Variants in GLRB observed in about 807,000 individuals in gnomAD.
The protein encoded by GLRB is glycine receptor subunit beta.
In GLRB, 33 loss-of-function variants were observed where a neutral mutation model predicts 54.2. The observed-to-expected ratio is 0.61, with a 90% CI of 0.46 to 0.81. The LOEUF is 0.81. Ranked by LOEUF, GLRB falls within the 40% of genes least tolerant of loss-of-function variation. The pLI is 0.00. For missense variants in GLRB, 572 were observed against 584.6 expected, an observed-to-expected ratio of 0.98 and a Z score of 0.22; for synonymous variants, 209 against 208.2, an observed-to-expected ratio of 1.00 and a Z score of -0.03.
chr4:157,103,470 G>A (rs1412916523), intron 2 of GLRB, among the ~76,000 whole-genome samples: 1 of 152,198 alleles, frequency 6.6e-6, no homozygotes. Flanking sequence ...TTCAAGCATA[G>A]TTCTACATTT....
At chr4:157,127,764 C>T (rs1029390161) in intron 4 of GLRB, among the ~76,000 whole-genome samples, 8 of 151,926 alleles carry the variant, frequency 5.3e-5, no homozygotes, top group Middle Eastern at 3.4e-3. Context: ...CCTCTAGGAG[C>T]TGAAGAAGCC....
At chr4:157,106,193 T>C (rs1259597102) in intron 2 of GLRB, among the ~76,000 whole-genome samples, 2 of 152,100 alleles carry the variant, frequency 1.3e-5, no homozygotes, top group African/African-American at 4.8e-5. Context: ...CTTTTTTCTT[T>C]CTTTCAGCTC....
chr4:157,118,274 C>T (rs1735679058), intron 2 of GLRB, among the ~76,000 whole-genome samples: 1 of 151,658 alleles, frequency 6.6e-6, no homozygotes, highest in Non-Finnish European at 1.5e-5. Flanking sequence ...TGATCCAATA[C>T]AAGTGTATTT....
chr4:157,163,054 C>T (rs1184591396), intron 9 of GLRB, among the ~76,000 whole-genome samples: 3 of 152,192 alleles, frequency 2.0e-5, no homozygotes, highest in Non-Finnish European at 4.4e-5. Flanking sequence ...CCTCCCCCAG[C>T]CTCGCTTCCA....
intron 2 of GLRB, among the ~76,000 whole-genome samples, chr4:157,118,114 A>C (rs1343915177): frequency 6.6e-6 from 1 of 151,666 alleles, no homozygotes; most frequent in Non-Finnish European, 1.5e-5. Flanking sequence ...TGACTGACAC[A>C]GCCTACAGCT....
Position 157,120,404 on chromosome 4 carries a change from TAATAA to T in GLRB, c.123-140_123-136del, listed in dbSNP as rs1264182027. On this transcript the variant is annotated intron_variant, in intron 2 of 9. Transcript: ENST00000264428. Reference sequence around the variant, plus strand: ...ATAATAATAATAAAATAAAATAAAATAATAAAATAAAATAAATAAAAAAAAGAAGA... The same window carrying T: ...ATAATAATAATAAAATAAAATAAAATAATAAAATAAATAAAAAAAAGAAGA... 4.0e-5 allele frequency: 9 copies of T among 223,764 alleles called. No individual in the cohort carries two copies. In the South Asian group the frequency reaches 5.0e-4, roughly 12 times the overall value. The allele number at this position is 223,764 out of a possible 1,614,324, so 13.9% of individuals were successfully genotyped here. A position where few individuals can be genotyped will look rare whatever the true frequency, so the allele number is the denominator to read the frequency against.
intron 9 of GLRB, among the ~76,000 whole-genome samples, chr4:157,166,657 G>C (rs1453673484): frequency 6.6e-6 from 1 of 151,920 alleles, no homozygotes; most frequent in African/African-American, 2.4e-5. Context: ...ACTTATTCTT[G>C]AATACAAGAA....
At chr4:157,102,837 A>G (rs1264778519) in intron 2 of GLRB, among the ~76,000 whole-genome samples, 1 of 152,188 alleles carries the variant, frequency 6.6e-6, no homozygotes, top group Admixed American at 6.5e-5. Context: ...GAGACTTGGC[A>G]TTTAAATGTG....
rs374116941 is a variant in GLRB at position 157,161,222 on chromosome 4, G to T, written c.1197+8212G>T. Among the ~76,000 whole-genome samples the T allele has an allele frequency of 5.3e-5, 8 of 152,272 alleles. No individual in the cohort carries two copies. In the East Asian group the frequency reaches 1.4e-3, roughly 26 times the overall value. ...TTCCCTTTATTTTGAGCCTATGTGT[G>T]TCTCTGCACATGAGATGGGTCTCCT... On this transcript the variant is annotated intron_variant, in intron 9 of 9. Transcript: ENST00000264428.
intron 2 of GLRB, among the ~76,000 whole-genome samples, chr4:157,112,564 T>C (rs920039401): frequency 6.6e-6 from 1 of 151,878 alleles, no homozygotes. Context: ...AAAATTTGCA[T>C]GAAAAAAGGG....
At chr4:157,170,319 G>C in intron 9 of GLRB, 113 bp from the exon 10 acceptor site, 2 of 675,688 alleles carry the variant, frequency 3.0e-6, no homozygotes, top group South Asian at 3.6e-5. Context: ...AGTTCTTTGT[G>C]ACATAAGCAA....
At chr4:157,103,698 T>C (rs1195887016) in intron 2 of GLRB, among the ~76,000 whole-genome samples, 3 of 152,134 alleles carry the variant, frequency 2.0e-5, no homozygotes, top group South Asian at 2.1e-4. Flanking sequence ...TCTCCATTTG[T>C]TTGTGGCTTT....
intron 2 of GLRB, among the ~76,000 whole-genome samples, chr4:157,105,400 A>G (rs575360442): frequency 1.3e-5 from 2 of 152,174 alleles, no homozygotes; most frequent in South Asian, 2.1e-4. Flanking sequence ...TGTAATTTCA[A>G]TCTTCTTAAA....
intron 9 of GLRB, among the ~76,000 whole-genome samples, chr4:157,168,294 C>A (rs979040760): frequency 1.3e-5 from 2 of 152,076 alleles, no homozygotes; most frequent in African/African-American, 2.4e-5. Flanking sequence ...GGGGTGCAGA[C>A]AAGAAGCCAC....
At chr4:157,115,741 G>A (rs1361491261) in intron 2 of GLRB, among the ~76,000 whole-genome samples, 3 of 151,698 alleles carry the variant, frequency 2.0e-5, no homozygotes, top group Non-Finnish European at 4.4e-5. Flanking sequence ...CTAACAAAGA[G>A]GCAAAGAATC....
chr4:157,155,535 T>C (rs1737193056), intron 9 of GLRB, among the ~76,000 whole-genome samples: 1 of 152,348 alleles, frequency 6.6e-6, no homozygotes, highest in East Asian at 1.9e-4. Context: ...TGTTGAAGGA[T>C]ATTTTCTCTA....
At chr4:157,091,027 T>C (rs1734589826) in intron 2 of GLRB, among the ~76,000 whole-genome samples, 1 of 152,154 alleles carries the variant, frequency 6.6e-6, no homozygotes, top group Non-Finnish European at 1.5e-5. Context: ...AGTTTTTCTA[T>C]GGTGTTGCAT....
At chr4:157,115,257 T>G (rs985837138) in intron 2 of GLRB, among the ~76,000 whole-genome samples, 15 of 151,098 alleles carry the variant, frequency 9.9e-5, no homozygotes, top group Non-Finnish European at 1.8e-4. Context: ...TGGTGTTTTT[T>G]TTTTTTTTTT....
At position 157,159,078 on chromosome 4, in the gene GLRB, A is replaced by G. The variant is rs530474269; in HGVS notation, c.1197+6068A>G. On this transcript the variant is annotated intron_variant, in intron 9 of 9. Transcript: ENST00000264428. ...TGTAAGTTGGATTCCTAGGTATTTT[A>G]TTCTCTTTGAAGCAATCATGAATGG... is the stretch of plus-strand genomic sequence containing the variant. Among the ~76,000 whole-genome samples the G allele has an allele frequency of 3.3e-5, 5 of 152,098 alleles. No individual in the cohort carries two copies. In the South Asian group the frequency reaches 1.0e-3, roughly 32 times the overall value.
Sources: allele counts gnomAD v4.1 joint callset (sites outside exome capture counted in the v4.1 genomes callset), GRCh38; gene constraint gnomAD v4.1.1; transcripts MANE v1.5; gene names NCBI Gene and HGNC (gene_info 2026-07-23, HGNC 2026-07-21).